Variants in SCMH1 observed in about 807,000 individuals in gnomAD.
SCMH1 encodes the protein polycomb protein SCMH1.
Under a neutral mutation model 70.8 loss-of-function variants are expected in SCMH1, and 37 were observed. The observed-to-expected ratio is 0.52, with a 90% confidence interval of 0.40 to 0.69. The LOEUF (loss-of-function observed/expected upper bound fraction) is 0.69, where lower values mean the gene tolerates loss of function less well. Among genes scored for constraint, SCMH1 ranks in the 30% least tolerant of loss-of-function variants. The pLI is 0.00. For missense variants in SCMH1, 607 were observed against 827.3 expected (o/e 0.73, Z 3.27); for synonymous variants, 292 against 307.4 (o/e 0.95, Z 0.52).
At chr1:41,152,120 A>T (rs1400893694) in intron 4 of SCMH1, among the ~76,000 whole-genome samples, 1 of 152,160 alleles carries the variant, frequency 6.6e-6, no homozygotes, top group Non-Finnish European at 1.5e-5. Context: ...GGATTCCAGC[A>T]TCTCAGCTCA....
chr1:41,199,124 A>C (rs1016793109), intron 1 of SCMH1, among the ~76,000 whole-genome samples: 4 of 152,252 alleles, frequency 2.6e-5, no homozygotes, highest in Admixed American at 6.5e-5. Flanking sequence ...ATAGCAGAAG[A>C]GCATAAACTA....
chr1:41,221,586 CAA>C (rs34767728), intron 1 of SCMH1, among the ~76,000 whole-genome samples: 31 of 138,424 alleles, frequency 2.2e-4, no homozygotes, highest in East Asian at 4.1e-4. Context: ...ACGCTCATAG[CAA>C]AAAAAAAAAA....
chr1:41,204,462 C>T (rs933048518), intron 1 of SCMH1, among the ~76,000 whole-genome samples: 3 of 152,186 alleles, frequency 2.0e-5, no homozygotes. Flanking sequence ...CATGATCTGA[C>T]CCCTACTTAC....
At chr1:41,100,798 C>T (rs1243442307) in intron 8 of SCMH1, among the ~76,000 whole-genome samples, 1 of 151,962 alleles carries the variant, frequency 6.6e-6, no homozygotes, top group Non-Finnish European at 1.5e-5. Context: ...ACTCCTGACC[C>T]CGTGATCCGC....
At chr1:41,228,521 G>A (rs1573245735) in intron 1 of SCMH1, among the ~76,000 whole-genome samples, 3 of 152,184 alleles carry the variant, frequency 2.0e-5, no homozygotes, top group East Asian at 3.9e-4. Flanking sequence ...AGTGGCTCAC[G>A]CCTGTAATCC....
In SCMH1 at chr1:41,113,879, A is replaced by C. The variant is rs1669815409; in HGVS notation, c.502-353T>G. Among the ~76,000 whole-genome samples the C allele has an allele frequency of 6.6e-6, 1 of 152,008 alleles. No individual in the cohort carries two copies. Among genetic ancestry groups the C allele is most frequent in the Admixed American group, 6.6e-5 (1 of 15,260 alleles). On this transcript the variant is annotated intron_variant, in intron 7 of 14. Coordinates refer to ENST00000337495, the Ensembl canonical transcript of SCMH1. This position sits in a 1 kb window ranked among gnomAD's most constrained non-coding sequence, Gnocchi z 4.3. ...TATTTTACTATATACATACATACCC[A>C]TTTGCCTGCTTTTAAATTTTATATA...
chr1:41,119,687 T>C (rs1490508882), intron 6 of SCMH1, among the ~76,000 whole-genome samples: 1 of 152,172 alleles, frequency 6.6e-6, no homozygotes, highest in East Asian at 1.9e-4. Flanking sequence ...ATAAGGATGT[T>C]TGCAGTTTGG....
chr1:41,148,815 C>T (rs1434531672), intron 5 of SCMH1, among the ~76,000 whole-genome samples: 1 of 151,958 alleles, frequency 6.6e-6, no homozygotes, highest in Non-Finnish European at 1.5e-5. Context: ...TTTTGAGACA[C>T]AGTCTCGCTC....
intron 2 of SCMH1, among the ~76,000 whole-genome samples, chr1:41,183,978 T>TCAGAA (rs1170768105): frequency 1.3e-5 from 2 of 152,198 alleles, no homozygotes; most frequent in Non-Finnish European, 2.9e-5. Flanking sequence ...GGGTACAGTT[T>TCAGAA]CAGTTCTGCA....
intron 10 of SCMH1, among the ~76,000 whole-genome samples, chr1:41,057,555 A>G (rs1397775781): frequency 6.6e-6 from 1 of 152,030 alleles, no homozygotes; most frequent in Non-Finnish European, 1.5e-5. Flanking sequence ...TGGCCCTACC[A>G]TGGTTCCTTT....
intron 8 of SCMH1, among the ~76,000 whole-genome samples, chr1:41,079,355 AC>A (rs1216404404): frequency 6.8e-6 from 1 of 146,906 alleles, no homozygotes; most frequent in Non-Finnish European, 1.5e-5. Context: ...ACCAAAAAAA[AC>A]CCCCAGAACT....
At chr1:41,142,921 A>T in exon 6 of SCMH1, 3 of 1,614,186 alleles carry the variant, frequency 1.9e-6, no homozygotes, top group Non-Finnish European at 2.5e-6. Context: ...CACAGTTCCC[A>T]ATAGGCTGGA....
At chr1:41,044,273 G>A (rs775225438) in intron 12 of SCMH1, among the ~76,000 whole-genome samples, 15 of 152,114 alleles carry the variant, frequency 9.9e-5, no homozygotes, top group Non-Finnish European at 1.9e-4. Context: ...TAGCAGAAGC[G>A]TGTAGCCAGG....
At chr1:41,094,628 G>A (rs755053843) in intron 8 of SCMH1, among the ~76,000 whole-genome samples, 41 of 152,048 alleles carry the variant, frequency 2.7e-4, no homozygotes, top group Non-Finnish European at 4.7e-4. Context: ...CATGGCTCAC[G>A]CCTGTAATCC....
At chr1:41,156,708 G>C (rs1237330118) in intron 4 of SCMH1, among the ~76,000 whole-genome samples, 1 of 152,110 alleles carries the variant, frequency 6.6e-6, no homozygotes, top group African/African-American at 2.4e-5. Context: ...CAAAGTGCTG[G>C]GATTACAGGC....
chr1:41,236,825 A>G (rs1211898570), intron 1 of SCMH1, among the ~76,000 whole-genome samples: 3 of 152,230 alleles, frequency 2.0e-5, no homozygotes, highest in Admixed American at 1.3e-4. Context: ...GTACATGTTC[A>G]GTACAGATGC....
In SCMH1 at chr1:41,116,991, A is replaced by C. The variant is rs150857676; in HGVS notation, c.432T>G (p.Ser144=). 2.2e-5 allele frequency: 35 copies of C among 1,605,694 alleles called. No individual in the cohort carries two copies. The African/African-American group carries it at 4.5e-4, about 21-fold the overall frequency. Reference sequence around the variant, plus strand: ...TCTTCAAAAGGAACATGGGCCAAGAAGACGCATTCAGCCGAAATCCTGCAG... The same window carrying C: ...TCTTCAAAAGGAACATGGGCCAAGACGACGCATTCAGCCGAAATCCTGCAG... Residue 144 remains serine (S), a synonymous_variant, in exon 7 of 15, where the codon TCT becomes TCG. Transcript: ENST00000337495.
At chr1:41,235,039 A>G (rs565294284) in intron 1 of SCMH1, among the ~76,000 whole-genome samples, 4 of 152,258 alleles carry the variant, frequency 2.6e-5, no homozygotes, top group Admixed American at 1.3e-4. Context: ...TTGGCTTCCC[A>G]AAGTGCTGGA....
chr1:41,120,181 T>C (rs749133433), intron 6 of SCMH1, among the ~76,000 whole-genome samples: 29 of 152,156 alleles, frequency 1.9e-4, no homozygotes, highest in Non-Finnish European at 4.0e-4. Flanking sequence ...AGCCATGTAA[T>C]TCCCAATTCC....
Sources: gnomAD v4.1 joint callset for allele counts (sites outside exome capture counted in the v4.1 genomes callset) on GRCh38, gnomAD v4.1.1 for gene constraint, Gnocchi (gnomAD v3.1) non-coding constraint, MANE v1.5 for transcripts, NCBI Gene and HGNC (gene_info 2026-07-23, HGNC 2026-07-21) for gene names.